Variants in MANSC4 observed in about 807,000 individuals in gnomAD.
MANSC4 encodes the protein MANSC domain-containing protein 4.
A neutral mutation model predicts 11.4 loss-of-function variants in MANSC4; 11 were observed. The observed-to-expected ratio is 0.97, with a 90% confidence interval of 0.61 to 1.60. MANSC4 has a LOEUF of 1.60. Among genes scored for constraint, MANSC4 ranks in the 40% most tolerant of loss-of-function variants. The pLI, the probability that MANSC4 is intolerant of heterozygous loss-of-function variation, is 0.00. For missense variants in MANSC4, 354 were observed against 404.6 expected (o/e 0.88, Z 1.07); for synonymous variants, 123 against 147.1 (o/e 0.84, Z 1.19).
chr12:27,773,623 C>T (rs1472676113), intron 1 of MANSC4, among the ~76,000 whole-genome samples: 1 of 152,198 alleles, frequency 6.6e-6, no homozygotes. Flanking sequence ...GATTCAGTAG[C>T]TGTTGAGTGG....
chr12:27,773,242 A>G (rs1027021636), intron 1 of MANSC4, among the ~76,000 whole-genome samples: 1 of 152,200 alleles, frequency 6.6e-6, no homozygotes, highest in African/African-American at 2.4e-5. Flanking sequence ...CAAACAAACA[A>G]AAAAGGGATC....
intron 2 of MANSC4, among the ~76,000 whole-genome samples, chr12:27,767,586 C>T (rs1427313196): frequency 8.6e-5 from 13 of 151,976 alleles, no homozygotes; most frequent in Admixed American, 8.5e-4. Flanking sequence ...TCCTGTAATC[C>T]CAGCTACTCG....
At chr12:27,766,309 G>T (rs2062072166) in intron 3 of MANSC4, among the ~76,000 whole-genome samples, 1 of 152,084 alleles carries the variant, frequency 6.6e-6, no homozygotes, top group Non-Finnish European at 1.5e-5. Flanking sequence ...CTTGTGATCT[G>T]CCCACCTTGG....
chr12:27,777,114 T>C (rs1022856698), intron 1 of MANSC4, among the ~76,000 whole-genome samples: 4 of 152,234 alleles, frequency 2.6e-5, no homozygotes, highest in Non-Finnish European at 5.9e-5. Context: ...TGCCCAGTAT[T>C]GTGAGACTAA....
At position 27,763,175 on chromosome 12, in the gene MANSC4, T is replaced by C. The variant is rs1421283838; in HGVS notation, c.586A>G (p.Thr196Ala). 1.3e-6 allele frequency: 2 copies of C among 1,551,722 alleles called. No individual in the cohort carries two copies. The highest frequency in any genetic ancestry group is 1.7e-4 in the Middle Eastern group (1 of 5,992). Residue 196 changes from threonine (T) to alanine (A), a missense_variant, in exon 4 of 4, where the codon ACC (threonine) becomes GCC (alanine). Transcript: ENST00000381273. Reference protein sequence around the residue: ...TNSTSYSKELTTDFWARFTSL... With the variant: ...TNSTSYSKELATDFWARFTSL... ...GTAAATCTTGCCCAAAAATCTGTGG[T>C]TAATTCCTTAGAATAACTGGTACTG...
At chr12:27,770,184 T>A (rs575347419) in intron 2 of MANSC4, among the ~76,000 whole-genome samples, 8 of 144,898 alleles carry the variant, frequency 5.5e-5, no homozygotes, top group African/African-American at 9.8e-5. Context: ...TGTTTGTGTG[T>A]GAGAGAGAGA....
chr12:27,771,206 C>CAG lies in MANSC4; in HGVS notation c.69_70dup (p.Cys24SerfsTer20). The CAG allele has an allele frequency of 6.4e-7, 1 of 1,552,028 alleles. No individual in the cohort carries two copies. The highest frequency in any genetic ancestry group is 8.7e-7 in the Non-Finnish European group (1 of 1,147,086). ...GTCTCTGTAAAAAATTGTGGGTGAG[C>CAG]AGAGAGAGTCTGATGTCCACCCCAT... On this transcript the variant is annotated frameshift_variant, in exon 2 of 4. Transcript: ENST00000381273. LOFTEE classifies it high-confidence loss of function.
chr12:27,763,385 C>A lies in MANSC4; in HGVS notation c.376G>T (p.Asp126Tyr). The A allele has an allele frequency of 6.5e-7, 1 of 1,546,438 alleles. No homozygotes were observed. Among genetic ancestry groups the A allele is most frequent in the Non-Finnish European group, 8.7e-7 (1 of 1,144,036 alleles). The change falls in exon 4 of 4, where the codon GAT becomes TAT. Residue 126 changes from aspartate to tyrosine, a missense_variant. Asp to Tyr is a radical substitution (Grantham distance 160). Coordinates refer to ENST00000381273, the MANE Select transcript of MANSC4 (RefSeq NM_001146221.5). ...GGAGATTGTTCAAAAACCAGCAAATCCGGATCTATACCTGAAAAATAAATA... is the reference window on the plus strand; with the variant it reads ...GGAGATTGTTCAAAAACCAGCAAATACGGATCTATACCTGAAAAATAAATA... ...LYNITDGIDP[D>Y]LLVFEQSPTY... is the part of the protein sequence containing the mutation.
rs1244413147 is a variant in MANSC4, at chr12:27,763,066, A to G, written c.695T>C (p.Ile232Thr). ...GTCTATGGGTTCAAAGAAAGGAGAA[A>G]TAGTCTTATTATCTGGATTGCTGAT... Reference protein sequence around the residue: ...DFISNPDNKTISPFFEPIDTK... With the variant: ...DFISNPDNKTTSPFFEPIDTK... The change falls in exon 4 of 4, where the codon ATT becomes ACT. Residue 232 changes from isoleucine (I) to threonine (T), a missense_variant. By Grantham distance (89) the Ile-to-Thr change is moderately conservative. Transcript: ENST00000381273. 3.2e-6 allele frequency: 5 copies of G among 1,551,608 alleles called. No individual in the cohort carries two copies. The African/African-American group carries it at 6.8e-5, about 21-fold the overall frequency.
At chr12:27,777,117 G>A (rs1480347368) in intron 1 of MANSC4, among the ~76,000 whole-genome samples, 2 of 152,178 alleles carry the variant, frequency 1.3e-5, no homozygotes, top group Non-Finnish European at 2.9e-5. Context: ...CCAGTATTGT[G>A]AGACTAATAC....
intron 2 of MANSC4, among the ~76,000 whole-genome samples, chr12:27,768,213 C>T (rs1040807254): frequency 1.3e-5 from 2 of 151,660 alleles, no homozygotes; most frequent in South Asian, 4.2e-4. Context: ...GCCCGGCCAA[C>T]ATGGCGAAAC....
At chr12:27,772,592 T>C (rs1397350341) in intron 1 of MANSC4, among the ~76,000 whole-genome samples, 2 of 152,246 alleles carry the variant, frequency 1.3e-5, no homozygotes, top group African/African-American at 4.8e-5. Context: ...GCAAAAATTA[T>C]ATTATGCACT....
intron 1 of MANSC4, among the ~76,000 whole-genome samples, chr12:27,778,364 A>C (rs2062127700): frequency 6.6e-6 from 1 of 152,116 alleles, no homozygotes. Context: ...AAGAACCACA[A>C]ATGTAACCAA....
intron 2 of MANSC4, among the ~76,000 whole-genome samples, chr12:27,769,512 G>C (rs1047201003): frequency 6.6e-6 from 1 of 152,216 alleles, no homozygotes; most frequent in African/African-American, 2.4e-5. Context: ...GAGCTTCTCT[G>C]CTGTGGAGTC....
Position 27,771,528 on chromosome 12 carries a change from C to A in MANSC4, c.-252G>T, listed in dbSNP as rs973602496. ...GAACACTTTCCAGGCTATTTCAATA[C>A]CCTGTCCCTTAGCATCTTAAGACGT... On this transcript the variant is annotated 5_prime_UTR_variant, in exon 2 of 4. Coordinates refer to ENST00000381273, the MANE Select transcript of MANSC4 (RefSeq NM_001146221.5). Among the ~76,000 whole-genome samples, 4 of 152,200 alleles carry A rather than the reference C, an allele frequency of 2.6e-5. No homozygotes were observed. The highest frequency in any genetic ancestry group is 9.7e-5 in the African/African-American group (4 of 41,448).
rs571349663 is a variant in MANSC4, at chr12:27,775,815, C to T, written c.-306-4233G>A. ...TGTAAAAGTATATTTTTCAGCCAGG[C>T]GTGGTGGCTCACGCCTGTAATCCCA... is the stretch of plus-strand genomic sequence containing the variant. On this transcript the variant is annotated intron_variant, in intron 1 of 3. Transcript: ENST00000381273. Among the ~76,000 whole-genome samples the T allele has an allele frequency of 2.5e-4, 38 of 151,328 alleles. No homozygotes were observed. In the South Asian group the frequency reaches 2.9e-3, roughly 12 times the overall value.
intron 1 of MANSC4, among the ~76,000 whole-genome samples, chr12:27,775,090 G>T (rs2062114774): frequency 6.6e-6 from 1 of 152,084 alleles, no homozygotes; most frequent in African/African-American, 2.4e-5. Flanking sequence ...CCTTGTAAAG[G>T]TTAAAGCAGA....
chr12:27,776,084 G>A (rs1383911598), intron 1 of MANSC4, among the ~76,000 whole-genome samples: 5 of 98,658 alleles, frequency 5.1e-5, no homozygotes, highest in Admixed American at 4.4e-4. Flanking sequence ...GAGCGAGACT[G>A]TCTCAAAAAA....
chr12:27,779,267 G>T (rs553319765), intron 1 of MANSC4, among the ~76,000 whole-genome samples: 1 of 152,172 alleles, frequency 6.6e-6, no homozygotes. Context: ...AGACATTTAT[G>T]AGCCAATTTT....
Sources: allele counts gnomAD v4.1 joint callset (sites outside exome capture counted in the v4.1 genomes callset), GRCh38; gene constraint gnomAD v4.1.1; transcripts MANE v1.5; gene names NCBI Gene and HGNC (gene_info 2026-07-23, HGNC 2026-07-21).